SCHIP1: variants seen among roughly 807,000 people sequenced by gnomAD.
SCHIP1 encodes the protein schwannomin-interacting protein 1.
Under a neutral mutation model 29.7 loss-of-function variants are expected in SCHIP1, and 8 were observed. The ratio of observed to expected loss-of-function variants is 0.27; its 90% CI spans 0.16 to 0.49. The LOEUF is 0.49. Among genes scored for constraint, SCHIP1 ranks in the 20% least tolerant of loss-of-function variants. The probability of loss-of-function intolerance (pLI) is 0.99; values close to 1 mark genes in which losing one functional copy is unlikely to be tolerated. For missense variants in SCHIP1, 193 were observed against 294.6 expected (o/e 0.66, Z 2.52); for synonymous variants, 76 against 94.9 (o/e 0.80, Z 1.16).
the SCHIP1 span, among the ~76,000 whole-genome samples, chr3:159,674,653 A>G: frequency 1.3e-5 from 2 of 151,454 alleles, no homozygotes; most frequent in Non-Finnish European, 2.9e-5. Flanking sequence ...AGAAAAATAC[A>G]TTTGAATTAA....
At chr3:159,563,929 T>C in the SCHIP1 span, among the ~76,000 whole-genome samples, 2 of 152,230 alleles carry the variant, frequency 1.3e-5, no homozygotes, top group African/African-American at 4.8e-5. Flanking sequence ...CTTCTCTTTA[T>C]GTATCTTCAA....
chr3:159,401,695 T>G, the SCHIP1 span, among the ~76,000 whole-genome samples: 1 of 152,190 alleles, frequency 6.6e-6, no homozygotes, highest in South Asian at 2.1e-4. Flanking sequence ...ATCTCCCCAT[T>G]GCTTTGGTGT....
At chr3:159,445,394 T>C in the SCHIP1 span, among the ~76,000 whole-genome samples, 2 of 150,976 alleles carry the variant, frequency 1.3e-5, no homozygotes, top group Non-Finnish European at 3.0e-5. Flanking sequence ...CTGGAGAGGA[T>C]GTGGAGAAAT....
At chr3:159,755,032 G>T in the SCHIP1 span, among the ~76,000 whole-genome samples, 1,070 of 152,254 alleles carry the variant, frequency 7.0e-3, 14 homozygotes, top group African/African-American at 0.025. Context: ...TCAGGAGATC[G>T]AGACCATCCT....
chr3:159,472,466 T>G, the SCHIP1 span, among the ~76,000 whole-genome samples: 1 of 152,202 alleles, frequency 6.6e-6, no homozygotes, highest in Non-Finnish European at 1.5e-5. Context: ...GGTATTTACA[T>G]GCAGCAGCCT....
At chr3:159,423,951 G>A in the SCHIP1 span, among the ~76,000 whole-genome samples, 2 of 151,956 alleles carry the variant, frequency 1.3e-5, no homozygotes, top group Non-Finnish European at 2.9e-5. Context: ...GGCAAACAGG[G>A]TCTGGAGTGG....
At chr3:159,804,667 G>A in the SCHIP1 span, among the ~76,000 whole-genome samples, 1 of 152,192 alleles carries the variant, frequency 6.6e-6, no homozygotes, top group East Asian at 1.9e-4. Context: ...GTGTATACTT[G>A]AGATGCCTTC....
chr3:159,565,477 A>G, the SCHIP1 span, among the ~76,000 whole-genome samples: 1 of 152,072 alleles, frequency 6.6e-6, no homozygotes, highest in Non-Finnish European at 1.5e-5. Context: ...GTTTCTATCC[A>G]TCCCTGTTTC....
At chr3:159,800,486 A>C in the SCHIP1 span, among the ~76,000 whole-genome samples, 1 of 152,190 alleles carries the variant, frequency 6.6e-6, no homozygotes, top group East Asian at 1.9e-4. Context: ...TATGAGCTTT[A>C]TGGTACACAG....
At chr3:159,477,038 G>A in the SCHIP1 span, among the ~76,000 whole-genome samples, 1 of 152,126 alleles carries the variant, frequency 6.6e-6, no homozygotes, top group Non-Finnish European at 1.5e-5. Context: ...GTGAGAGCAT[G>A]TGGGATTCAT....
chr3:159,878,715 T>C (rs1577479954), intron 2 of SCHIP1, among the ~76,000 whole-genome samples: 1 of 148,000 alleles, frequency 6.8e-6, no homozygotes, highest in African/African-American at 2.5e-5. Flanking sequence ...GAGGCGGAGC[T>C]TGCAGTGAGC....
chr3:159,457,615 A>G, the SCHIP1 span, among the ~76,000 whole-genome samples: 1 of 152,170 alleles, frequency 6.6e-6, no homozygotes, highest in African/African-American at 2.4e-5. Context: ...ACAGAGTTAT[A>G]TCATTCAGGA....
the SCHIP1 span, among the ~76,000 whole-genome samples, chr3:159,658,482 G>C: frequency 6.6e-6 from 1 of 152,132 alleles, no homozygotes; most frequent in Non-Finnish European, 1.5e-5. Context: ...TTAAAGGACT[G>C]TTGTCCTACT....
chr3:159,487,503 CT>C, the SCHIP1 span, among the ~76,000 whole-genome samples: 1 of 152,092 alleles, frequency 6.6e-6, no homozygotes, highest in Non-Finnish European at 1.5e-5. Context: ...GTTGGAGCTG[CT>C]TTTTTCCATG....
At chr3:159,292,944 C>A in the SCHIP1 span, among the ~76,000 whole-genome samples, 1 of 152,100 alleles carries the variant, frequency 6.6e-6, no homozygotes, top group Non-Finnish European at 1.5e-5. Flanking sequence ...TTTATAGCTA[C>A]CCCCTTGTAT....
chr3:159,553,080 T>G, the SCHIP1 span, among the ~76,000 whole-genome samples: 3 of 152,196 alleles, frequency 2.0e-5, no homozygotes, highest in Admixed American at 6.5e-5. Flanking sequence ...ACCTATTAAG[T>G]TTGGTATTGT....
At chr3:159,690,379 G>A in the SCHIP1 span, among the ~76,000 whole-genome samples, 3 of 152,166 alleles carry the variant, frequency 2.0e-5, no homozygotes, top group Non-Finnish European at 4.4e-5. Context: ...TAGTTTATTT[G>A]CATAGAGGTG....
chr3:159,576,538 T>G, the SCHIP1 span, among the ~76,000 whole-genome samples: 1 of 152,252 alleles, frequency 6.6e-6, no homozygotes, highest in Non-Finnish European at 1.5e-5. Flanking sequence ...AGTCATTTAT[T>G]AATTCTGCAA....
chr3:159,561,833 GC>G, the SCHIP1 span, among the ~76,000 whole-genome samples: 1 of 152,100 alleles, frequency 6.6e-6, no homozygotes, highest in African/African-American at 2.4e-5. Flanking sequence ...CCCCTCTGGA[GC>G]AATAGAATTC....
Sources: gnomAD v4.1 joint callset for allele counts (sites outside exome capture counted in the v4.1 genomes callset) on GRCh38, gnomAD v4.1.1 for gene constraint, MANE v1.5 for transcripts, NCBI Gene and HGNC (gene_info 2026-07-23, HGNC 2026-07-21) for gene names.